The following FRMD4A variants were observed in gnomAD, a reference collection of about 807,000 sequenced individuals.
FRMD4A encodes the protein FERM domain-containing protein 4A.
Under a neutral mutation model 129.1 loss-of-function variants are expected in FRMD4A, and 29 were observed. The observed-to-expected ratio is 0.22, with a 90% CI of 0.17 to 0.31. FRMD4A has a LOEUF of 0.31. Ranked by LOEUF, FRMD4A falls within the 10% of genes least tolerant of loss-of-function variation. FRMD4A has a pLI of 1.00. For missense variants in FRMD4A, 1,272 were observed against 1,375.8 expected (o/e 0.92, Z 1.19); for synonymous variants, 634 against 571.6 (o/e 1.11, Z -1.56).
At chr10:14,322,180 G>T (rs187488072) in intron 2 of FRMD4A, among the ~76,000 whole-genome samples, 1 of 152,220 alleles carries the variant, frequency 6.6e-6, no homozygotes, top group African/African-American at 2.4e-5. Context: ...TAGAGGCCTG[G>T]ACTAAGGCAG....
At chr10:13,971,973 A>G in intron 2 of FRMD4A, 2 of 1,191,226 alleles carry the variant, frequency 1.7e-6, no homozygotes, top group Non-Finnish European at 2.1e-6. Flanking sequence ...CCTCACCACC[A>G]CCCTCACTAA....
rs2082282007 is a variant in FRMD4A at position 13,657,627 on chromosome 10, G to A, written c.2067-105C>T. ...AGGAGGGCACTGGGTGTCTGCACGCGGGCGCAGGCCCCAGCCCAGCAAGCC... is the reference window on the plus strand; with the variant it reads ...AGGAGGGCACTGGGTGTCTGCACGCAGGCGCAGGCCCCAGCCCAGCAAGCC... On this transcript the variant is annotated intron_variant, in intron 21 of 24. Coordinates refer to ENST00000357447, the MANE Select transcript of FRMD4A (RefSeq NM_018027.5). 27 of 1,418,456 alleles carry A rather than the reference G, an allele frequency of 1.9e-5. 2 individuals are homozygous for A. The South Asian group carries it at 3.0e-4, about 16-fold the overall frequency. 87.9% of individuals were successfully genotyped at this position (1,418,456 alleles called of 1,614,324 possible).
chr10:14,004,414 C>T (rs2446594), intron 2 of FRMD4A, among the ~76,000 whole-genome samples: 50,555 of 151,972 alleles, frequency 0.33, 11,417 homozygotes, highest in African/African-American at 0.63. Flanking sequence ...TGGTGGCGCA[C>T]GCCTGTAATA....
chr10:14,012,439 A>G (rs2095685520), intron 2 of FRMD4A, among the ~76,000 whole-genome samples: 1 of 152,232 alleles, frequency 6.6e-6, no homozygotes, highest in Non-Finnish European at 1.5e-5. Flanking sequence ...GACATGCCAC[A>G]GCAAGATGTA....
At chr10:14,275,483 ATT>A (rs1469387252) in intron 2 of FRMD4A, among the ~76,000 whole-genome samples, 1 of 152,210 alleles carries the variant, frequency 6.6e-6, no homozygotes, top group East Asian at 1.9e-4. Flanking sequence ...CTATCTGAAT[ATT>A]TTAAGGCTAG....
intron 5 of FRMD4A, among the ~76,000 whole-genome samples, chr10:13,794,486 C>G (rs918123933): frequency 1.3e-5 from 2 of 151,480 alleles, no homozygotes; most frequent in Admixed American, 6.6e-5. Flanking sequence ...GACGATGCCA[C>G]AGACTTGATG....
intron 2 of FRMD4A, among the ~76,000 whole-genome samples, chr10:14,003,150 G>C (rs989082996): frequency 6.6e-6 from 1 of 152,150 alleles, no homozygotes; most frequent in Admixed American, 6.5e-5. Context: ...ACGGCGAGAA[G>C]GCAACACGCA....
At chr10:13,777,159 C>T (rs6602684) in intron 6 of FRMD4A, among the ~76,000 whole-genome samples, 148,380 of 152,232 alleles carry the variant, frequency 0.97, 72,318 homozygotes, top group East Asian at 1. Flanking sequence ...GAACTGTCAA[C>T]CACTCAGCAG....
chr10:14,079,454 G>A (rs577171927), intron 2 of FRMD4A, among the ~76,000 whole-genome samples: 86 of 152,298 alleles, frequency 5.6e-4, no homozygotes, highest in Middle Eastern at 3.4e-3. Context: ...AAAAATGACC[G>A]AAGTGTTTTC....
intron 3 of FRMD4A, among the ~76,000 whole-genome samples, chr10:13,848,580 C>A (rs528791662): frequency 6.6e-6 from 1 of 150,390 alleles, no homozygotes; most frequent in Admixed American, 6.6e-5. Context: ...TCTCCTCAAC[C>A]AGCACCTGGG....
At chr10:14,117,171 G>A (rs1382170708) in intron 2 of FRMD4A, among the ~76,000 whole-genome samples, 10 of 152,202 alleles carry the variant, frequency 6.6e-5, no homozygotes, top group Non-Finnish European at 1.5e-4. Context: ...AGTTTGTCTT[G>A]GTGTCTTCTT....
chr10:14,058,799 G>T (rs1294254082), intron 2 of FRMD4A, among the ~76,000 whole-genome samples: 1 of 152,050 alleles, frequency 6.6e-6, no homozygotes, highest in South Asian at 2.1e-4. Context: ...TGATTGGCTG[G>T]GCATGATTAC....
At chr10:14,130,076 C>T (rs561483293) in intron 2 of FRMD4A, among the ~76,000 whole-genome samples, 1 of 152,110 alleles carries the variant, frequency 6.6e-6, no homozygotes, top group African/African-American at 2.4e-5. Context: ...TGCTCTCCAG[C>T]CCAAGGTTCC....
chr10:14,308,713 T>C (rs1219526736), intron 2 of FRMD4A, among the ~76,000 whole-genome samples: 1 of 152,226 alleles, frequency 6.6e-6, no homozygotes, highest in Non-Finnish European at 1.5e-5. Flanking sequence ...CACATCACTA[T>C]TTGTTTGAAA....
chr10:14,286,812 C>G (rs1218449), intron 2 of FRMD4A, among the ~76,000 whole-genome samples: 81,428 of 151,798 alleles, frequency 0.54, 22,784 homozygotes, highest in African/African-American at 0.71. Flanking sequence ...GCAGGGATGA[C>G]ACCAAGGGAG....
At chr10:14,089,632 AAAAAAAACAAAC>A (rs1836526435) in intron 2 of FRMD4A, among the ~76,000 whole-genome samples, 2 of 142,642 alleles carry the variant, frequency 1.4e-5, no homozygotes, top group African/African-American at 5.5e-5. Flanking sequence ...AAAAAAAACA[AAAAAAAACAAAC>A]AAAAAAAAAA....
intron 2 of FRMD4A, chr10:13,871,047 T>A (rs1448225776): frequency 1.9e-5 from 3 of 158,708 alleles, no homozygotes; most frequent in African/African-American, 7.2e-5. Flanking sequence ...CTCAGCATGC[T>A]TGTGAGCCAG....
chr10:13,872,410 C>T (rs1026199210), intron 2 of FRMD4A, among the ~76,000 whole-genome samples: 4 of 152,214 alleles, frequency 2.6e-5, no homozygotes, highest in Admixed American at 6.5e-5. Flanking sequence ...GTAACTGGTT[C>T]CCAGGGCCAT....
chr10:13,987,846 T>C (rs1175806298), intron 2 of FRMD4A, among the ~76,000 whole-genome samples: 1 of 152,206 alleles, frequency 6.6e-6, no homozygotes, highest in Admixed American at 6.5e-5. Flanking sequence ...AAGCAGAAGG[T>C]CTAATGATTT....
Sources: gnomAD v4.1 joint callset for allele counts (sites outside exome capture counted in the v4.1 genomes callset) on GRCh38, gnomAD v4.1.1 for gene constraint, MANE v1.5 for transcripts, NCBI Gene and HGNC (gene_info 2026-07-23, HGNC 2026-07-21) for gene names.